GRIK2: variants seen among roughly 807,000 people sequenced by gnomAD.
The protein encoded by GRIK2 is glutamate ionotropic receptor kainate type subunit 2.
In GRIK2, 32 loss-of-function variants were observed where a neutral mutation model predicts 100.3. The observed-to-expected ratio is 0.32, with a 90% CI of 0.24 to 0.43. The LOEUF (loss-of-function observed/expected upper bound fraction) is 0.43, where lower values mean the gene tolerates loss of function less well. Among genes scored for constraint, GRIK2 ranks in the 20% least tolerant of loss-of-function variants. The pLI is 1.00. For missense variants in GRIK2, 843 were observed against 1,114.9 expected (o/e 0.76, Z 3.47); for synonymous variants, 417 against 389.4 (o/e 1.07, Z -0.83).
At chr6:101,812,504 A>C (rs1031732157) in intron 9 of GRIK2, among the ~76,000 whole-genome samples, 1 of 149,550 alleles carries the variant, frequency 6.7e-6, no homozygotes, top group Non-Finnish European at 1.5e-5. Flanking sequence ...AAATATTATT[A>C]TTTATGTTCA....
chr6:101,557,603 A>T, intron 2 of GRIK2, among the ~76,000 whole-genome samples: 1 of 152,100 alleles, frequency 6.6e-6, no homozygotes, highest in Non-Finnish European at 1.5e-5. Flanking sequence ...CCATTTTTAA[A>T]TATTTGCTTT....
chr6:101,757,390 T>C (rs1583084103), intron 7 of GRIK2, among the ~76,000 whole-genome samples: 2 of 152,146 alleles, frequency 1.3e-5, no homozygotes, highest in South Asian at 4.1e-4. Context: ...TGTTAAATTA[T>C]TAAAATGTAA....
chr6:101,448,210 C>T (rs921686918), intron 2 of GRIK2, among the ~76,000 whole-genome samples: 3 of 151,578 alleles, frequency 2.0e-5, no homozygotes, highest in Non-Finnish European at 3.0e-5. Context: ...ACAGTGATAT[C>T]TTTATTTCCA....
chr6:101,447,668 C>T (rs747238193), intron 2 of GRIK2, among the ~76,000 whole-genome samples: 1 of 151,642 alleles, frequency 6.6e-6, no homozygotes, highest in Non-Finnish European at 1.5e-5. Context: ...CAATATCTCT[C>T]ACAGATTGAT....
At chr6:101,682,120 C>CTA (rs1180575928) in intron 5 of GRIK2, among the ~76,000 whole-genome samples, 2 of 152,196 alleles carry the variant, frequency 1.3e-5, no homozygotes, top group Non-Finnish European at 2.9e-5. Context: ...CTCTAAAGAG[C>CTA]TAAAATAAAT....
At chr6:101,535,152 CAG>C (rs924681111) in intron 2 of GRIK2, among the ~76,000 whole-genome samples, 8 of 151,486 alleles carry the variant, frequency 5.3e-5, no homozygotes, top group African/African-American at 1.9e-4. Flanking sequence ...TGAAAAAAAA[CAG>C]AATTCTATTA....
intron 7 of GRIK2, among the ~76,000 whole-genome samples, chr6:101,766,141 A>G (rs576755506): frequency 6.6e-6 from 1 of 152,208 alleles, no homozygotes; most frequent in East Asian, 1.9e-4. Flanking sequence ...AAAGTCCAGC[A>G]TCATTGGAAC....
intron 4 of GRIK2, among the ~76,000 whole-genome samples, chr6:101,651,246 C>A (rs892115970): frequency 6.6e-6 from 1 of 152,132 alleles, no homozygotes; most frequent in Admixed American, 6.6e-5. Context: ...CACATTTTGT[C>A]TGGTACTGGC....
chr6:101,596,471 GTAT>G lies in GRIK2; in HGVS notation c.116-25474_116-25472del, dbSNP rs1214934230. Among the ~76,000 whole-genome samples the G allele has an allele frequency of 1.8e-4, 28 of 151,464 alleles. No individual in the cohort carries two copies. The Admixed American group carries it at 1.9e-3, about 10-fold the overall frequency. On this transcript the variant is annotated intron_variant, in intron 2 of 16. Coordinates refer to ENST00000369134, the MANE Select transcript of GRIK2 (RefSeq NM_021956.5). ...ACAACAACTCTGTATTGTATGGTTG[GTAT>G]TATCTTCTACATTTTAATAGATGAT... is the stretch of plus-strand genomic sequence containing the variant.
At chr6:101,825,114 A>T (rs1003923634) in intron 10 of GRIK2, among the ~76,000 whole-genome samples, 2 of 152,186 alleles carry the variant, frequency 1.3e-5, no homozygotes, top group African/African-American at 4.8e-5. Flanking sequence ...AGACACTGCA[A>T]CTTCACAAAG....
rs758075558 is a variant in GRIK2 at position 101,691,982 on chromosome 6, G to C, written c.951+5629G>C. Among the ~76,000 whole-genome samples, 29 of 144,402 alleles carry C rather than the reference G, an allele frequency of 2.0e-4. 1 individual carries two copies. The highest frequency in any genetic ancestry group is 9.3e-4 in the Admixed American group (13 of 14,032). The allele number at this position is 144,402 out of a possible 152,430, so 94.7% of individuals were successfully genotyped here. ...TGGGAGGATCACTTGAGCCTGGGAA[G>C]TTGAGGCTGCAGTGAACAGTGTTCA... is the stretch of plus-strand genomic sequence containing the variant. On this transcript the variant is annotated intron_variant, in intron 7 of 16. Transcript: ENST00000369134.
intron 14 of GRIK2, among the ~76,000 whole-genome samples, chr6:101,942,070 G>A (rs547032101): frequency 3.9e-4 from 59 of 152,050 alleles, no homozygotes; most frequent in Admixed American, 2.9e-3. Flanking sequence ...AGATGGTCAC[G>A]ATGATGGATG....
chr6:101,678,084 A>G (rs980395126), intron 5 of GRIK2, among the ~76,000 whole-genome samples: 5 of 152,112 alleles, frequency 3.3e-5, no homozygotes, highest in Admixed American at 1.3e-4. Context: ...ACAGGCTTGG[A>G]AAAGAGACCT....
At chr6:101,909,035 AAC>A (rs911404699) in intron 12 of GRIK2, among the ~76,000 whole-genome samples, 1 of 151,398 alleles carries the variant, frequency 6.6e-6, no homozygotes, top group Admixed American at 6.6e-5. Context: ...AATAATTTTA[AAC>A]AGTGTTTGAA....
intron 2 of GRIK2, among the ~76,000 whole-genome samples, chr6:101,548,798 A>C (rs189011112): frequency 5.1e-4 from 77 of 152,318 alleles, no homozygotes; most frequent in African/African-American, 1.8e-3. Context: ...ATCATTTAAT[A>C]AGTACAAAAA....
chr6:101,971,109 A>AT (rs1162683498), intron 14 of GRIK2, among the ~76,000 whole-genome samples: 2 of 149,500 alleles, frequency 1.3e-5, no homozygotes, highest in Middle Eastern at 3.4e-3. Flanking sequence ...GAATTTTGAA[A>AT]TTTTTTCAGA....
chr6:101,991,671 A>G (rs547065704), intron 14 of GRIK2, among the ~76,000 whole-genome samples: 3 of 151,532 alleles, frequency 2.0e-5, no homozygotes, highest in Non-Finnish European at 4.4e-5. Context: ...GTGAAATAGA[A>G]AAAACAAAAA....
At chr6:101,556,499 T>G (rs919794172) in intron 2 of GRIK2, among the ~76,000 whole-genome samples, 2 of 151,794 alleles carry the variant, frequency 1.3e-5, no homozygotes, top group Non-Finnish European at 1.5e-5. Flanking sequence ...TTTCACAAAA[T>G]GAACAGCTGT....
At chr6:101,801,150 C>T (rs1554265725) in intron 8 of GRIK2, among the ~76,000 whole-genome samples, 1 of 152,148 alleles carries the variant, frequency 6.6e-6, no homozygotes, top group South Asian at 2.1e-4. Context: ...ACCTGGTATA[C>T]ATTTCTTTAT....
Sources: gnomAD v4.1 joint callset for allele counts (sites outside exome capture counted in the v4.1 genomes callset) on GRCh38, gnomAD v4.1.1 for gene constraint, MANE v1.5 for transcripts, NCBI Gene and HGNC (gene_info 2026-07-23, HGNC 2026-07-21) for gene names.